The following ZCCHC8 variants were observed in gnomAD, a reference collection of about 807,000 sequenced individuals.
The protein encoded by ZCCHC8 is zinc finger CCHC-type containing 8.
Under a neutral mutation model 70.6 loss-of-function variants are expected in ZCCHC8, and 27 were observed. That is an observed-to-expected ratio of 0.38 (90% CI 0.28 to 0.53). The LOEUF is 0.53. Ranked by LOEUF, ZCCHC8 falls within the 20% of genes least tolerant of loss-of-function variation. The probability of loss-of-function intolerance (pLI) is 0.81; values close to 1 mark genes in which losing one functional copy is unlikely to be tolerated. For missense variants in ZCCHC8, 737 were observed against 876.9 expected, an observed-to-expected ratio of 0.84 and a Z score of 2.01; for synonymous variants, 293 against 317.4, an observed-to-expected ratio of 0.92 and a Z score of 0.82.
rs1957782399 is a variant in ZCCHC8, at chr12:122,493,614, ATTAT to A, written c.243-829_243-826del. ...TTTTTGTATTTTTATTTTTATTTTA[ATTAT>A]TTATTTATTTGTGAGACGGAGTCTC... is the stretch of plus-strand genomic sequence containing the variant. On this transcript the variant is annotated intron_variant, in intron 2 of 13. Coordinates refer to ENST00000633063, the MANE Select transcript of ZCCHC8 (RefSeq NM_017612.5). Among the ~76,000 whole-genome samples, 5 of 151,078 alleles carry A rather than the reference ATTAT, an allele frequency of 3.3e-5. 1 individual carries two copies. Among genetic ancestry groups the A allele is most frequent in the South Asian group, 4.2e-4 (2 of 4,750 alleles).
At chr12:122,488,754 C>A (rs1251139607) in intron 5 of ZCCHC8, among the ~76,000 whole-genome samples, 1 of 151,492 alleles carries the variant, frequency 6.6e-6, no homozygotes, top group Non-Finnish European at 1.5e-5. Context: ...GCCTGTAATC[C>A]CAGCTACTCG....
In ZCCHC8 at chr12:122,474,239, C is replaced by A; in HGVS notation, c.1382G>T (p.Ser461Ile). The A allele has an allele frequency of 6.8e-7, 1 of 1,477,256 alleles. No individual in the cohort carries two copies. The highest frequency in any genetic ancestry group is 8.9e-7 in the Non-Finnish European group (1 of 1,119,086). 91.5% of individuals were successfully genotyped at this position (1,477,256 alleles called of 1,614,324 possible). A position where few individuals can be genotyped will look rare whatever the true frequency, so the allele number is the denominator to read the frequency against. Reference protein sequence around the residue: ...EVPHGSQSSESFQFQPPLPPD... With the variant: ...EVPHGSQSSEIFQFQPPLPPD... Reference sequence around the variant, plus strand: ...AGGTAATGGTGGTTGAAACTGAAAACTTTCGCTGCTCTGAGAACCATGTGG... The same window carrying A: ...AGGTAATGGTGGTTGAAACTGAAAAATTTCGCTGCTCTGAGAACCATGTGG... Residue 461 changes from serine (S) to isoleucine (I), a missense_variant, in exon 14 of 14, where the codon AGT becomes ATT. Physicochemically the swap from Ser to Ile is moderately radical, Grantham distance 142. Transcript: ENST00000633063.
At chr12:122,492,282 G>T in intron 3 of ZCCHC8, 1 of 171,464 alleles carries the variant, frequency 5.8e-6, no homozygotes, top group South Asian at 1.5e-4. Flanking sequence ...CAAGTGAGTA[G>T]GCTTTGAAGA....
intron 11 of ZCCHC8, among the ~76,000 whole-genome samples, chr12:122,478,776 C>T (rs1025236367): frequency 3.3e-5 from 5 of 152,146 alleles, no homozygotes; most frequent in East Asian, 1.9e-4. Flanking sequence ...CAGTGGTTCT[C>T]GGTAAGAATC....
chr12:122,485,947 CT>C (rs1414755016), intron 5 of ZCCHC8, among the ~76,000 whole-genome samples: 1 of 152,196 alleles, frequency 6.6e-6, no homozygotes, highest in African/African-American at 2.4e-5. Context: ...TTGATCAGCT[CT>C]ACTTCCCCAG....
intron 2 of ZCCHC8, 88 bp downstream of exon 2, chr12:122,498,739 A>G: frequency 1.6e-6 from 2 of 1,275,600 alleles, no homozygotes; most frequent in Non-Finnish European, 2.2e-6. Context: ...AAAATCCCAT[A>G]CACTTTTTAC....
At chr12:122,481,442 T>C in intron 10 of ZCCHC8, 80 bp downstream of exon 10, 16 of 1,465,956 alleles carry the variant, frequency 1.1e-5, no homozygotes, top group Non-Finnish European at 1.2e-5. Context: ...CGGCCATTCC[T>C]ATCACATTTT....
At chr12:122,493,881 G>A (rs899117535) in intron 2 of ZCCHC8, among the ~76,000 whole-genome samples, 4 of 152,128 alleles carry the variant, frequency 2.6e-5, no homozygotes, top group Admixed American at 1.3e-4. Flanking sequence ...CCAAAGTGCT[G>A]GGATTACAGG....
At chr12:122,474,409 G>A (rs1957376991) in intron 13 of ZCCHC8, 134 bp from the exon 14 acceptor site, 1 of 761,320 alleles carries the variant, frequency 1.3e-6, no homozygotes. Context: ...GGGAAATTCT[G>A]GATTCTCAGG....
intron 2 of ZCCHC8, among the ~76,000 whole-genome samples, chr12:122,497,386 A>G (rs1365136457): frequency 6.6e-6 from 1 of 151,750 alleles, no homozygotes; most frequent in Non-Finnish European, 1.5e-5. Flanking sequence ...TACTAAATAT[A>G]TAAAAATTAG....
Position 122,474,088 on chromosome 12 carries a change from A to C in ZCCHC8, c.1533T>G (p.Asp511Glu). 6.6e-7 allele frequency: 1 copy of C among 1,516,820 alleles called. No individual in the cohort carries two copies. Among genetic ancestry groups the C allele is most frequent in the South Asian group, 1.4e-5 (1 of 73,918 alleles). The allele number at this position is 1,516,820 out of a possible 1,614,324, so 94.0% of individuals were successfully genotyped here. The change falls in exon 14 of 14, where the codon GAT (aspartate) becomes GAG (glutamate). Residue 511 changes from aspartate (D) to glutamate (E), a missense_variant. By Grantham distance (45) the Asp-to-Glu change is conservative. Coordinates refer to ENST00000633063, the MANE Select transcript of ZCCHC8 (RefSeq NM_017612.5). ...PQTRTASGAV[D>E]EDALTLEELE... is the part of the protein sequence containing the mutation. ...GTTCTTCTAGAGTCAGTGCGTCCTCATCCACAGCTCCAGATGCTGTTCTGG... is the reference window on the plus strand; with the variant it reads ...GTTCTTCTAGAGTCAGTGCGTCCTCCTCCACAGCTCCAGATGCTGTTCTGG...
At chr12:122,488,498 A>G (rs1957682397) in intron 5 of ZCCHC8, among the ~76,000 whole-genome samples, 1 of 151,984 alleles carries the variant, frequency 6.6e-6, no homozygotes, top group African/African-American at 2.4e-5. Context: ...GTGGTATACT[A>G]ATATGGGATA....
At chr12:122,491,506 G>A (rs1957741374) in intron 3 of ZCCHC8, among the ~76,000 whole-genome samples, 1 of 139,834 alleles carries the variant, frequency 7.2e-6, no homozygotes, top group African/African-American at 2.9e-5. Flanking sequence ...TCCAGCCTGG[G>A]CAAAAAGAGT....
chr12:122,481,589 C>T lies in ZCCHC8; in HGVS notation c.951G>A (p.Gly317=). ...CCTCTTTGAGCCACCCTGGTGGGTA[C>T]CCTAGCTGGCGCATCCGATAGATAA... ...PPFIYRMRQL[G]YPPGWLKEAE... Residue 317 remains glycine, a synonymous_variant, in exon 10 of 14, where the codon GGG becomes GGA. Transcript: ENST00000633063. 1 of 1,613,942 alleles carries T rather than the reference C, an allele frequency of 6.2e-7. No homozygotes were observed. Among genetic ancestry groups the T allele is most frequent in the Non-Finnish European group, 8.5e-7 (1 of 1,179,890 alleles).
intron 8 of ZCCHC8, 195 bp from the exon 9 acceptor site, chr12:122,482,282 AT>A: frequency 7.9e-6 from 4 of 505,468 alleles, no homozygotes; most frequent in Non-Finnish European, 1.3e-5. Flanking sequence ...ACCTATTATC[AT>A]AAATTAAATC....
Position 122,490,572 on chromosome 12 carries a change from G to T in ZCCHC8, c.318-5C>A. On this transcript the variant is annotated splice_region_variant and splice_polypyrimidine_tract_variant and intron_variant, in intron 3 of 13. Transcript: ENST00000633063. ...TCTATTTCTTGATGATATTGCCTGTGTAAGAGGACAAAATGGTCAGAACCC... is the reference window on the plus strand; with the variant it reads ...TCTATTTCTTGATGATATTGCCTGTTTAAGAGGACAAAATGGTCAGAACCC... 6.3e-7 allele frequency: 1 copy of T among 1,582,862 alleles called. No individual in the cohort carries two copies. Among genetic ancestry groups the T allele is most frequent in the Non-Finnish European group, 8.6e-7 (1 of 1,158,260 alleles).
At chr12:122,492,661 A>G in intron 3 of ZCCHC8, 54 bp downstream of exon 3, 1 of 1,151,822 alleles carries the variant, frequency 8.7e-7, no homozygotes, top group South Asian at 1.4e-5. Flanking sequence ...ATTTATAGAG[A>G]AAATTGTTCC....
intron 2 of ZCCHC8, among the ~76,000 whole-genome samples, chr12:122,494,116 C>G (rs1370099910): frequency 6.6e-6 from 1 of 152,150 alleles, no homozygotes; most frequent in Non-Finnish European, 1.5e-5. Context: ...AGAATGCAGC[C>G]TAGAAACCTG....
chr12:122,499,216 C>A, intron 1 of ZCCHC8: 3 of 273,082 alleles, frequency 1.1e-5, no homozygotes, highest in Non-Finnish European at 2.1e-5. Context: ...GAGCTGTTAA[C>A]AACTTTAGAA....
Sources: gnomAD v4.1 joint callset for allele counts (sites outside exome capture counted in the v4.1 genomes callset) on GRCh38, gnomAD v4.1.1 for gene constraint, MANE v1.5 for transcripts, NCBI Gene and HGNC (gene_info 2026-07-23, HGNC 2026-07-21) for gene names.